The following ADGB variants were observed in gnomAD, a reference collection of about 807,000 sequenced individuals.
ADGB encodes the protein androglobin.
A neutral mutation model predicts 210.5 loss-of-function variants in ADGB; 172 were observed. The ratio of observed to expected loss-of-function variants is 0.82; its 90% CI spans 0.72 to 0.93. The LOEUF (loss-of-function observed/expected upper bound fraction) is 0.93. Among genes scored for constraint, ADGB ranks in the 40% least tolerant of loss-of-function variants. The probability of loss-of-function intolerance (pLI) is 0.00; values close to 1 mark genes in which losing one functional copy is unlikely to be tolerated. For missense variants in ADGB, 2,025 were observed against 1,964.8 expected (o/e 1.03, Z -0.58); for synonymous variants, 658 against 662.7 (o/e 0.99, Z 0.11).
chr6:146,649,160 G>GT (rs567600494), intron 3 of ADGB, among the ~76,000 whole-genome samples: 3,692 of 125,884 alleles, frequency 0.029, 102 homozygotes, highest in African/African-American at 0.069. Context: ...TTAAAGTTTT[G>GT]TTTTTTTTTT....
intron 20 of ADGB, among the ~76,000 whole-genome samples, chr6:146,731,607 G>T (rs534402130): frequency 6.6e-6 from 1 of 152,240 alleles, no homozygotes; most frequent in East Asian, 1.9e-4. Context: ...GTCCCAGCAA[G>T]TTTCAGACTA....
At chr6:146,602,246 G>A (rs961959109) in intron 1 of ADGB, among the ~76,000 whole-genome samples, 1 of 152,020 alleles carries the variant, frequency 6.6e-6, no homozygotes, top group African/African-American at 2.4e-5. Flanking sequence ...TAAAGGGAGG[G>A]TCCTTTAATT....
At chr6:146,608,861 T>C (rs1003159706) in intron 1 of ADGB, among the ~76,000 whole-genome samples, 1 of 152,146 alleles carries the variant, frequency 6.6e-6, no homozygotes, top group Admixed American at 6.5e-5. Context: ...TTGGGAGAAG[T>C]GTTCTGTAGA....
intron 4 of ADGB, among the ~76,000 whole-genome samples, chr6:146,656,549 G>A (rs749999025): frequency 5.3e-5 from 8 of 152,146 alleles, no homozygotes; most frequent in Non-Finnish European, 1.2e-4. Flanking sequence ...AGCTGAGTAT[G>A]TTTAGTATGA....
chr6:146,716,674 C>G (rs1316326098), intron 14 of ADGB, among the ~76,000 whole-genome samples: 1 of 151,336 alleles, frequency 6.6e-6, no homozygotes, highest in African/African-American at 2.4e-5. Flanking sequence ...TTTGAACACC[C>G]TGATATGCAT....
At chr6:146,751,751 T>A (rs1436878169) in intron 26 of ADGB, among the ~76,000 whole-genome samples, 1 of 152,150 alleles carries the variant, frequency 6.6e-6, no homozygotes, top group Non-Finnish European at 1.5e-5. Context: ...ATCTTTTATG[T>A]GTTTGTTGGC....
chr6:146,765,710 G>A (rs893456914), intron 28 of ADGB, among the ~76,000 whole-genome samples: 1 of 151,376 alleles, frequency 6.6e-6, no homozygotes, highest in Non-Finnish European at 1.5e-5. Flanking sequence ...ATCTAAAATA[G>A]CATTTGTTTA....
intron 16 of ADGB, among the ~76,000 whole-genome samples, chr6:146,720,981 T>C (rs1024413702): frequency 1.3e-5 from 2 of 152,184 alleles, no homozygotes; most frequent in Non-Finnish European, 2.9e-5. Context: ...CATACCACCC[T>C]GTAAAATAAG....
intron 21 of ADGB, among the ~76,000 whole-genome samples, chr6:146,733,459 A>T (rs1777033022): frequency 6.6e-6 from 1 of 151,954 alleles, no homozygotes; most frequent in South Asian, 2.1e-4. Flanking sequence ...CTTCTAGGGG[A>T]GTGTCTTACA....
intron 8 of ADGB, among the ~76,000 whole-genome samples, chr6:146,675,937 C>T (rs1406018995): frequency 6.6e-6 from 1 of 152,120 alleles, no homozygotes; most frequent in Non-Finnish European, 1.5e-5. Flanking sequence ...GAGGGCTCTA[C>T]ATTTAGGACT....
At chr6:146,676,128 G>A (rs1056395759) in intron 8 of ADGB, among the ~76,000 whole-genome samples, 185 bp from the exon 9 acceptor site, 1 of 151,940 alleles carries the variant, frequency 6.6e-6, no homozygotes, top group Non-Finnish European at 1.5e-5. Context: ...AATTTTCAAA[G>A]TTCTCCCTGG....
intron 1 of ADGB, among the ~76,000 whole-genome samples, chr6:146,630,935 T>C (rs995286292): frequency 3.3e-5 from 5 of 152,182 alleles, no homozygotes; most frequent in Admixed American, 1.3e-4. Context: ...CTCAATGTTA[T>C]ATTGAAAGAA....
intron 9 of ADGB, among the ~76,000 whole-genome samples, chr6:146,677,156 G>A (rs983158202): frequency 2.6e-5 from 4 of 152,098 alleles, no homozygotes; most frequent in African/African-American, 7.2e-5. Flanking sequence ...AACAGTCTAG[G>A]TATAAGTAGC....
intron 22 of ADGB, among the ~76,000 whole-genome samples, chr6:146,735,604 G>A (rs1417304959): frequency 6.6e-6 from 1 of 152,152 alleles, no homozygotes; most frequent in Non-Finnish European, 1.5e-5. Context: ...TAAAGTTAGG[G>A]AAATATATTC....
chr6:146,808,449 T>C (rs1187749539), intron 35 of ADGB, among the ~76,000 whole-genome samples: 4 of 151,816 alleles, frequency 2.6e-5, no homozygotes, highest in Non-Finnish European at 4.4e-5. Flanking sequence ...ATCTCAAACA[T>C]CCATTTTCAT....
intron 33 of ADGB, among the ~76,000 whole-genome samples, chr6:146,793,542 G>T (rs1562302728): frequency 6.6e-6 from 1 of 152,136 alleles, no homozygotes; most frequent in Non-Finnish European, 1.5e-5. Flanking sequence ...TAGAAGTTAT[G>T]AGTTGAGCTC....
At chr6:146,691,058 G>C (rs1254939497) in intron 10 of ADGB, 58 bp from the exon 11 acceptor site, 5 of 1,407,480 alleles carry the variant, frequency 3.6e-6, no homozygotes, top group East Asian at 2.6e-5. Flanking sequence ...TTTTACATTG[G>C]AAAAAGCATT....
At chr6:146,725,891 C>T (rs1237000081) in intron 18 of ADGB, 192 bp from the exon 19 acceptor site, 20 of 434,184 alleles carry the variant, frequency 4.6e-5, no homozygotes, top group Middle Eastern at 6.3e-4. Context: ...ATAAGTAAAG[C>T]GTAGATTTCA....
chr6:146,615,718 T>C (rs911909851), intron 1 of ADGB, among the ~76,000 whole-genome samples: 4 of 152,250 alleles, frequency 2.6e-5, no homozygotes, highest in Non-Finnish European at 5.9e-5. Context: ...CTTGTTTCAC[T>C]TTATATAATG....
Sources: allele counts gnomAD v4.1 joint callset (sites outside exome capture counted in the v4.1 genomes callset), GRCh38; gene constraint gnomAD v4.1.1; transcripts MANE v1.5; gene names NCBI Gene and HGNC (gene_info 2026-07-23, HGNC 2026-07-21).